The following ANKRD17 variants were observed in gnomAD, a reference collection of about 807,000 sequenced individuals.
ANKRD17 encodes ankyrin repeat domain-containing protein 17.
ANKRD17 carries 19 observed loss-of-function variants against 229.7 expected under a neutral mutation model. The ratio of observed to expected loss-of-function variants is 0.08; its 90% CI spans 0.06 to 0.12. The LOEUF (loss-of-function observed/expected upper bound fraction) is 0.12. ANKRD17 is among the 10% of genes least tolerant of loss of function. The probability of loss-of-function intolerance (pLI) is 1.00; values close to 1 mark genes in which losing one functional copy is unlikely to be tolerated. For missense variants in ANKRD17, 2,176 were observed against 3,176.8 expected, an observed-to-expected ratio of 0.68 and a Z score of 7.57; for synonymous variants, 1,112 against 1,146.1, an observed-to-expected ratio of 0.97 and a Z score of 0.60.
intron 1 of ANKRD17, among the ~76,000 whole-genome samples, chr4:73,216,538 A>G (rs943231173): frequency 6.6e-6 from 1 of 152,214 alleles, no homozygotes; most frequent in African/African-American, 2.4e-5. Context: ...TTAACAGTTA[A>G]GGGTTAACTA....
chr4:73,084,041 C>G (rs1721849146), intron 30 of ANKRD17, among the ~76,000 whole-genome samples: 1 of 151,786 alleles, frequency 6.6e-6, no homozygotes, highest in African/African-American at 2.4e-5. Context: ...AACCTTACTA[C>G]AGAATTCTCT....
intron 1 of ANKRD17, 130 bp from the exon 2 acceptor site, chr4:73,177,663 GC>G: frequency 1.5e-6 from 1 of 649,374 alleles, no homozygotes; most frequent in South Asian, 2.6e-5. Flanking sequence ...TAAACACAGT[GC>G]AACCCTAAAA....
At chr4:73,200,083 TG>T (rs1435157177) in intron 1 of ANKRD17, among the ~76,000 whole-genome samples, 1 of 152,168 alleles carries the variant, frequency 6.6e-6, no homozygotes, top group Admixed American at 6.5e-5. Flanking sequence ...GGAAACATTT[TG>T]TCTAAATTTC....
chr4:73,242,909 TGTTTCACTACAGTGC>T (rs1578505618), intron 1 of ANKRD17, among the ~76,000 whole-genome samples: 2 of 152,208 alleles, frequency 1.3e-5, no homozygotes, highest in Admixed American at 1.3e-4. Context: ...CTCTTTCCTA[TGTTTCACTACAGTGC>T]AACTTACTCA....
intron 1 of ANKRD17, among the ~76,000 whole-genome samples, chr4:73,205,520 G>A (rs960662591): frequency 6.6e-6 from 1 of 152,004 alleles, no homozygotes. Flanking sequence ...AAGTAGTGCT[G>A]GGAGAACTAG....
chr4:73,249,739 C>G (rs1744818218), intron 1 of ANKRD17, among the ~76,000 whole-genome samples: 1 of 152,178 alleles, frequency 6.6e-6, no homozygotes, highest in Non-Finnish European at 1.5e-5. Context: ...GCCTGTAGCC[C>G]CAGCTACCTG....
At chr4:73,199,416 CCATTA>C (rs1482467574) in intron 1 of ANKRD17, among the ~76,000 whole-genome samples, 1 of 152,142 alleles carries the variant, frequency 6.6e-6, no homozygotes, top group Non-Finnish European at 1.5e-5. Context: ...TCTCAATTTC[CCATTA>C]CTTTATATAG....
chr4:73,095,329 G>A (rs886442828), intron 27 of ANKRD17, among the ~76,000 whole-genome samples: 1 of 151,896 alleles, frequency 6.6e-6, no homozygotes, highest in Non-Finnish European at 1.5e-5. Flanking sequence ...GGCCGGGCAC[G>A]GTGGCTCACG....
chr4:73,220,342 G>C (rs1029531884), intron 1 of ANKRD17, among the ~76,000 whole-genome samples: 35 of 152,156 alleles, frequency 2.3e-4, no homozygotes, highest in African/African-American at 8.4e-4. Context: ...TGATGCCTTT[G>C]GTTTGGAGAA....
At position 73,091,544 on chromosome 4, in the gene ANKRD17, T is replaced by G; in HGVS notation, c.6084A>C (p.Thr2028=). ...SNNNTAPTNA[T]YPMPTAKEHY... ...GTTCTTTGGCAGTAGGCATAGGATA[T>G]GTGGCATTTGTGGGTGCAGTGTTGT... Residue 2028 remains threonine, a synonymous_variant, in exon 29 of 34, where the codon ACA becomes ACC. Coordinates refer to ENST00000358602, the MANE Select transcript of ANKRD17 (RefSeq NM_032217.5). The G allele has an allele frequency of 6.2e-7, 1 of 1,614,212 alleles. No individual in the cohort carries two copies. The highest frequency in any genetic ancestry group is 8.5e-7 in the Non-Finnish European group (1 of 1,180,044).
chr4:73,211,460 A>G (rs1212096008), intron 1 of ANKRD17, among the ~76,000 whole-genome samples: 1 of 152,232 alleles, frequency 6.6e-6, no homozygotes, highest in African/African-American at 2.4e-5. Flanking sequence ...ATAACACAGT[A>G]AAACAGGTTA....
At position 73,109,705 on chromosome 4, in the gene ANKRD17, G is replaced by C. The variant is rs565291133; in HGVS notation, c.4401+4087C>G. Among the ~76,000 whole-genome samples, 8 of 152,132 alleles carry C rather than the reference G, an allele frequency of 5.3e-5. No homozygotes were observed. In the South Asian group the frequency reaches 8.3e-4, roughly 16 times the overall value. On this transcript the variant is annotated intron_variant, in intron 24 of 33. Coordinates refer to ENST00000358602, the MANE Select transcript of ANKRD17 (RefSeq NM_032217.5). ...AGTAAAGCTACTGTCAGCATAAAAGGGTTCGTTGTCACACATTTCAAGTAA... is the reference window on the plus strand; with the variant it reads ...AGTAAAGCTACTGTCAGCATAAAAGCGTTCGTTGTCACACATTTCAAGTAA...
At chr4:73,256,716 GA>G (rs2149294759) in intron 1 of ANKRD17, among the ~76,000 whole-genome samples, 1 of 152,242 alleles carries the variant, frequency 6.6e-6, no homozygotes, top group African/African-American at 2.4e-5. Context: ...TAGGGATAAG[GA>G]CCCCATTACA....
intron 1 of ANKRD17, among the ~76,000 whole-genome samples, chr4:73,238,620 G>A (rs1342103326): frequency 6.6e-6 from 1 of 150,872 alleles, no homozygotes; most frequent in African/African-American, 2.5e-5. Flanking sequence ...ATTTCTCTCT[G>A]GTTATCCTAC....
chr4:73,197,054 G>A (rs76052057), intron 1 of ANKRD17, among the ~76,000 whole-genome samples: 2,897 of 152,134 alleles, frequency 0.019, 95 homozygotes, highest in African/African-American at 0.066. Flanking sequence ...TCAGAACCCA[G>A]GACACATTCT....
intron 24 of ANKRD17, among the ~76,000 whole-genome samples, chr4:73,104,747 C>T (rs6818964): frequency 0.027 from 3,818 of 140,244 alleles, 74 homozygotes; most frequent in African/African-American, 0.041. Flanking sequence ...GCTATTTAAG[C>T]GGGAGGTGGG....
chr4:73,159,482 C>T (rs1235104025), intron 3 of ANKRD17, among the ~76,000 whole-genome samples: 1 of 152,176 alleles, frequency 6.6e-6, no homozygotes, highest in Admixed American at 6.5e-5. Context: ...GCACATGGCA[C>T]TGTCCTTAAC....
intron 24 of ANKRD17, among the ~76,000 whole-genome samples, chr4:73,107,270 T>C (rs555278352): frequency 1.2e-4 from 18 of 152,342 alleles, no homozygotes; most frequent in South Asian, 8.3e-4. Flanking sequence ...CAAGATTTCA[T>C]TTCTCAATAA....
At chr4:73,176,184 A>C (rs538898288) in intron 2 of ANKRD17, among the ~76,000 whole-genome samples, 1 of 152,326 alleles carries the variant, frequency 6.6e-6, no homozygotes, top group South Asian at 2.1e-4. Context: ...TATAAATGGC[A>C]AATACACATA....
Sources: allele counts gnomAD v4.1 joint callset (sites outside exome capture counted in the v4.1 genomes callset), GRCh38; gene constraint gnomAD v4.1.1; transcripts MANE v1.5; gene names NCBI Gene and HGNC (gene_info 2026-07-23, HGNC 2026-07-21).